Variants in SRBD1 observed in about 807,000 individuals in gnomAD.
The protein encoded by SRBD1 is S1 RNA binding domain 1, also known as S1 RNA-binding domain-containing protein 1.
A neutral mutation model predicts 115.3 loss-of-function variants in SRBD1; 88 were observed. The observed-to-expected ratio is 0.76, with a 90% CI of 0.64 to 0.91. The LOEUF (loss-of-function observed/expected upper bound fraction) is 0.91. SRBD1 is among the 40% of genes least tolerant of loss of function. The probability of loss-of-function intolerance (pLI) is 0.00; values close to 1 mark genes in which losing one functional copy is unlikely to be tolerated. For synonymous variants in SRBD1, 509 were observed against 407.7 expected (o/e 1.25, Z -2.99); for missense variants, 1,385 against 1,177.4 (o/e 1.18, Z -2.58).
chr2:45,531,902 T>G (rs974548312), intron 14 of SRBD1, among the ~76,000 whole-genome samples: 2 of 151,800 alleles, frequency 1.3e-5, no homozygotes, highest in Non-Finnish European at 2.9e-5. Context: ...GGTTGAACAA[T>G]CTCTGAATAA....
chr2:45,563,220 CAAGT>C (rs1302513218), intron 9 of SRBD1, among the ~76,000 whole-genome samples: 4 of 152,068 alleles, frequency 2.6e-5, no homozygotes, highest in Non-Finnish European at 5.9e-5. Flanking sequence ...TATATTATCT[CAAGT>C]AATCCTTAGA....
intron 10 of SRBD1, among the ~76,000 whole-genome samples, chr2:45,562,089 T>C (rs1672681133): frequency 6.6e-6 from 1 of 152,230 alleles, no homozygotes; most frequent in African/African-American, 2.4e-5. Context: ...TCCACAGAGA[T>C]AATCACTATC....
In SRBD1 at chr2:45,599,431, GA is replaced by G; in HGVS notation, c.648+17del. ...AGCACTCAAAACAACTAAAGTGACA[GA>G]AAAAGGCTGCACATACCTGTACCAT... On this transcript the variant is annotated intron_variant, in intron 4 of 20. Transcript: ENST00000263736. 6.2e-7 allele frequency: 1 copy of G among 1,600,076 alleles called. No individual in the cohort carries two copies.
chr2:45,428,500 G>C (rs1021187787), intron 16 of SRBD1, among the ~76,000 whole-genome samples: 2 of 152,036 alleles, frequency 1.3e-5, no homozygotes, highest in African/African-American at 2.4e-5. Context: ...GCAGTGAGCC[G>C]AGACTGCGCC....
At position 45,520,729 on chromosome 2, in the gene SRBD1, G is replaced by A. The variant is rs901632621; in HGVS notation, c.1874+26003C>T. ...CACCAAGATGAGTTTGGCTGGGGGT[G>A]GTCGGAGAGAAGAATCAGCCACTGT... On this transcript the variant is annotated intron_variant, in intron 14 of 20. Transcript: ENST00000263736. Among the ~76,000 whole-genome samples, 9 of 152,116 alleles carry A rather than the reference G, an allele frequency of 5.9e-5. No homozygotes were observed. In the East Asian group the frequency reaches 1.7e-3, roughly 29 times the overall value.
chr2:45,595,310 A>G (rs1479119829), intron 4 of SRBD1, among the ~76,000 whole-genome samples: 1 of 152,268 alleles, frequency 6.6e-6, no homozygotes, highest in Non-Finnish European at 1.5e-5. Flanking sequence ...GGCCAAGGCC[A>G]TGGGGAATAG....
rs1009849650 is a variant in SRBD1 at position 45,602,605 on chromosome 2, T to C, written c.81-522A>G. On this transcript the variant is annotated intron_variant, in intron 2 of 20. Transcript: ENST00000263736. ...TCCAACTGCTTTAATTAACCCTTTT[T>C]TCCTTTCACAGAATGGATTTCTTTC... is the stretch of plus-strand genomic sequence containing the variant. Among the ~76,000 whole-genome samples, 4 of 152,202 alleles carry C rather than the reference T, an allele frequency of 2.6e-5. No homozygotes were observed. In the East Asian group the frequency reaches 5.8e-4, roughly 22 times the overall value.
chr2:45,516,571 T>C (rs527441025), intron 14 of SRBD1, among the ~76,000 whole-genome samples: 1 of 152,194 alleles, frequency 6.6e-6, no homozygotes, highest in Non-Finnish European at 1.5e-5. Flanking sequence ...TTGTTACCCC[T>C]TGAAGGAAGT....
At chr2:45,391,865 C>T (rs1667013533) in intron 20 of SRBD1, among the ~76,000 whole-genome samples, 1 of 152,156 alleles carries the variant, frequency 6.6e-6, no homozygotes. Flanking sequence ...CCTGCAGTTA[C>T]AGCATTTTTT....
chr2:45,471,722 C>A (rs1274421580), intron 16 of SRBD1, among the ~76,000 whole-genome samples: 1 of 152,094 alleles, frequency 6.6e-6, no homozygotes, highest in Admixed American at 6.6e-5. Context: ...AATAATAACA[C>A]CCTCTAAAAT....
At chr2:45,517,242 T>C (rs193198874) in intron 14 of SRBD1, among the ~76,000 whole-genome samples, 1 of 152,366 alleles carries the variant, frequency 6.6e-6, no homozygotes, top group East Asian at 1.9e-4. Context: ...GTGTGTTTTA[T>C]CTTTTAAATG....
intron 4 of SRBD1, among the ~76,000 whole-genome samples, chr2:45,588,482 C>T (rs969003185): frequency 1.3e-5 from 2 of 152,206 alleles, no homozygotes; most frequent in African/African-American, 4.8e-5. Context: ...TGTACCTTTT[C>T]CTGTTTCCTG....
intron 14 of SRBD1, among the ~76,000 whole-genome samples, chr2:45,499,526 G>C (rs1170860538): frequency 6.6e-6 from 1 of 151,968 alleles, no homozygotes; most frequent in African/African-American, 2.4e-5. Flanking sequence ...GTCTATTTTT[G>C]CTTTGTCTGT....
At position 45,414,196 on chromosome 2, in the gene SRBD1, A is replaced by G. The variant is rs1195470213; in HGVS notation, c.2334-903T>C. Among the ~76,000 whole-genome samples, 5 of 152,146 alleles carry G rather than the reference A, an allele frequency of 3.3e-5. No individual in the cohort carries two copies. In the East Asian group the frequency reaches 5.8e-4, roughly 18 times the overall value. ...CGCATACCTAGTCAAATTAGCATTC[A>G]AGTAGGAGGGCAAATTGAAATCATT... On this transcript the variant is annotated intron_variant, in intron 18 of 20. Coordinates refer to ENST00000263736, the MANE Select transcript of SRBD1 (RefSeq NM_018079.5).
intron 3 of SRBD1, among the ~76,000 whole-genome samples, chr2:45,600,157 T>C (rs1007806224): frequency 4.6e-5 from 7 of 152,180 alleles, no homozygotes; most frequent in Non-Finnish European, 8.8e-5. Flanking sequence ...CAAACCTACA[T>C]GTGCGATAAA....
intron 2 of SRBD1, among the ~76,000 whole-genome samples, chr2:45,603,511 T>C (rs1458986867): frequency 6.6e-6 from 1 of 152,164 alleles, no homozygotes; most frequent in Non-Finnish European, 1.5e-5. Context: ...ATTTTCTCGA[T>C]ACAGGAATCT....
chr2:45,533,847 T>C (rs539512852), intron 14 of SRBD1, among the ~76,000 whole-genome samples: 20 of 152,172 alleles, frequency 1.3e-4, no homozygotes, highest in African/African-American at 4.8e-4. Flanking sequence ...TATAATACAT[T>C]GTATCTTTGG....
chr2:45,558,341 A>G (rs1318674997), intron 10 of SRBD1, among the ~76,000 whole-genome samples: 1 of 152,174 alleles, frequency 6.6e-6, no homozygotes, highest in Non-Finnish European at 1.5e-5. Context: ...ATTTCCTTAG[A>G]TACGTTTTTA....
At chr2:45,603,689 C>A (rs1355708730) in intron 2 of SRBD1, among the ~76,000 whole-genome samples, 1 of 151,984 alleles carries the variant, frequency 6.6e-6, no homozygotes, top group Admixed American at 6.6e-5. Context: ...GCCACCATGC[C>A]TGGCTAATTT....
Sources: allele counts gnomAD v4.1 joint callset (sites outside exome capture counted in the v4.1 genomes callset), GRCh38; gene constraint gnomAD v4.1.1; transcripts MANE v1.5; gene names NCBI Gene and HGNC (gene_info 2026-07-23, HGNC 2026-07-21).